Variants in FAM177A1 observed in about 807,000 individuals in gnomAD.
FAM177A1 encodes protein FAM177A1.
A neutral mutation model predicts 26.1 loss-of-function variants in FAM177A1; 22 were observed. That is an observed-to-expected ratio of 0.84 (90% confidence interval 0.60 to 1.20). The LOEUF is 1.20. FAM177A1 is among the 50% of genes most tolerant of loss of function. The pLI is 0.00. For synonymous variants in FAM177A1, 95 were observed against 99.3 expected (o/e 0.96, Z 0.26); for missense variants, 296 against 291.1 (o/e 1.02, Z -0.12).
chr14:35,068,780 G>A (rs539619054), intron 2 of FAM177A1, among the ~76,000 whole-genome samples: 2 of 152,348 alleles, frequency 1.3e-5, no homozygotes, highest in South Asian at 2.1e-4. Flanking sequence ...TTGGCTTACA[G>A]TTGTGGAGGC....
At position 35,078,957 on chromosome 14, in the gene FAM177A1, C is replaced by G; in HGVS notation, c.437C>G (p.Ser146Cys). 3 of 1,549,364 alleles carry G rather than the reference C, an allele frequency of 1.9e-6. No individual in the cohort carries two copies. Among genetic ancestry groups the G allele is most frequent in the Non-Finnish European group, 2.6e-6 (3 of 1,159,420 alleles). Residue 146 changes from serine (S) to cysteine (C), a missense_variant, in exon 4 of 5, where the codon TCT becomes TGT. Ser to Cys is a moderately radical substitution (Grantham distance 112, BLOSUM62 -1). Transcript: ENST00000280987. ...VCDFLGEKIA[S>C]VLGISTPKYQ... ...GACTTCCTTGGAGAGAAGATTGCATCTGTTTTGGGTATCAGCACCCCAAAG... is the reference window on the plus strand; with the variant it reads ...GACTTCCTTGGAGAGAAGATTGCATGTGTTTTGGGTATCAGCACCCCAAAG...
chr14:35,066,772 T>C (rs995174576), intron 2 of FAM177A1, among the ~76,000 whole-genome samples: 3 of 151,780 alleles, frequency 2.0e-5, no homozygotes, highest in Non-Finnish European at 4.4e-5. Flanking sequence ...TAATGGAATG[T>C]ATACATAATA....
upstream of FAM177A1, chr14:35,046,214 C>T (rs2044857179): frequency 2.9e-6 from 1 of 342,354 alleles, no homozygotes; most frequent in Non-Finnish European, 5.3e-6. Context: ...GAAGCGACGC[C>T]CCGCAAGGAC....
chr14:35,076,458 G>T (rs1275677026), intron 2 of FAM177A1, among the ~76,000 whole-genome samples: 1 of 152,040 alleles, frequency 6.6e-6, no homozygotes, highest in Admixed American at 6.6e-5. Context: ...GGGGGGAGCG[G>T]GGAGGGATAG....
chr14:35,068,408 T>C (rs2045270814), intron 2 of FAM177A1, among the ~76,000 whole-genome samples: 2 of 152,262 alleles, frequency 1.3e-5, no homozygotes, highest in South Asian at 4.1e-4. Flanking sequence ...GCATGCTGCA[T>C]TGTACTTTGG....
chr14:35,078,970 C>A lies in FAM177A1; in HGVS notation c.450C>A (p.Ile150=), dbSNP rs1385159688. Residue 150 remains isoleucine, a synonymous_variant, in exon 4 of 5, where the codon ATC becomes ATA. Coordinates refer to ENST00000280987, the MANE Select transcript of FAM177A1 (RefSeq NM_173607.5). ...AGAAGATTGCATCTGTTTTGGGTAT[C>A]AGCACCCCAAAGTACCAATATGCCA... ...LGEKIASVLG[I]STPKYQYAID... is the part of the protein sequence containing the mutation. The A allele has an allele frequency of 6.4e-7, 1 of 1,554,362 alleles. No homozygotes were observed. Among genetic ancestry groups the A allele is most frequent in the Non-Finnish European group, 8.6e-7 (1 of 1,161,570 alleles).
chr14:35,071,470 A>C (rs2045320601), intron 2 of FAM177A1, among the ~76,000 whole-genome samples: 1 of 152,292 alleles, frequency 6.6e-6, no homozygotes, highest in African/African-American at 2.4e-5. Flanking sequence ...GAAGTCTTGA[A>C]GACACAAGAT....
chr14:35,066,756 T>TA (rs947472649), intron 2 of FAM177A1, among the ~76,000 whole-genome samples: 7 of 151,940 alleles, frequency 4.6e-5, no homozygotes, highest in Non-Finnish European at 1.0e-4. Flanking sequence ...ATGCCATTGT[T>TA]ATAGTTAATG....
chr14:35,078,067 A>G (rs1157961442), intron 3 of FAM177A1, among the ~76,000 whole-genome samples: 1 of 152,174 alleles, frequency 6.6e-6, no homozygotes, highest in Non-Finnish European at 1.5e-5. Flanking sequence ...ATAGCTTTTT[A>G]TCACTTTCTG....
At chr14:35,064,394 A>G (rs2045207758) in intron 2 of FAM177A1, among the ~76,000 whole-genome samples, 1 of 152,142 alleles carries the variant, frequency 6.6e-6, no homozygotes, top group Admixed American at 6.6e-5. Context: ...CTCGAAAACA[A>G]ACAAACAAAA....
intron 4 of FAM177A1, 110 bp from the exon 5 acceptor site, chr14:35,080,912 C>CT (rs71435851): frequency 0.058 from 62,491 of 1,073,252 alleles, 69 homozygotes; most frequent in Non-Finnish European, 0.063. Flanking sequence ...GAACATGACA[C>CT]TTTTTTTTTT....
At chr14:35,072,207 G>A (rs920674851) in intron 2 of FAM177A1, among the ~76,000 whole-genome samples, 1 of 152,042 alleles carries the variant, frequency 6.6e-6, no homozygotes, top group Non-Finnish European at 1.5e-5. Flanking sequence ...CCTGGGAGGC[G>A]GAGGTTGCAG....
intron 2 of FAM177A1, among the ~76,000 whole-genome samples, chr14:35,063,763 C>T (rs2045196079): frequency 6.6e-6 from 1 of 150,986 alleles, no homozygotes; most frequent in Admixed American, 6.6e-5. Context: ...TTTTGGGCCA[C>T]ATTACATGGC....
At position 35,046,583 on chromosome 14, in the gene FAM177A1, C is replaced by T. The variant is rs1457429531; in HGVS notation, c.120C>T (p.Ala40=). The T allele has an allele frequency of 2.6e-6, 4 of 1,563,368 alleles. No homozygotes were observed. The highest frequency in any genetic ancestry group is 3.5e-6 in the Non-Finnish European group (4 of 1,156,746). ...GGVERGEAVA[A]SGAAAAAAFG... ...TGGAACGAGGAGAAGCCGTCGCAGC[C>T]TCGGGAGCTGCGGCCGCCGCGGCAT... is the stretch of plus-strand genomic sequence containing the variant. Residue 40 remains alanine, a synonymous_variant, in exon 1 of 5, where the codon GCC becomes GCT. Transcript: ENST00000280987.
chr14:35,049,771 C>T (rs539840649), intron 1 of FAM177A1, among the ~76,000 whole-genome samples: 35 of 152,086 alleles, frequency 2.3e-4, no homozygotes, highest in African/African-American at 8.4e-4. Flanking sequence ...GATGACAGAG[C>T]AAGACTCCTT....
At chr14:35,060,020 C>T (rs1414896914) in intron 2 of FAM177A1, among the ~76,000 whole-genome samples, 1 of 151,056 alleles carries the variant, frequency 6.6e-6, no homozygotes, top group Non-Finnish European at 1.5e-5. Context: ...GTCGCCCAGG[C>T]GGGAGTGCAG....
At chr14:35,077,867 C>G (rs2045422610) in intron 3 of FAM177A1, among the ~76,000 whole-genome samples, 1 of 152,202 alleles carries the variant, frequency 6.6e-6, no homozygotes, top group African/African-American at 2.4e-5. Flanking sequence ...ATCTGTCTCA[C>G]TGCTTATTCT....
In FAM177A1 at chr14:35,046,638, G is replaced by A. The variant is rs1288540345; in HGVS notation, c.165+10G>A. On this transcript the variant is annotated intron_variant, in intron 1 of 4. Transcript: ENST00000280987. ...GGAATCTGCAGGGCAGGTAGGTGGG[G>A]CCGCCGAGGCTGACGTCCGGGGAGC... is the stretch of plus-strand genomic sequence containing the variant. 6.6e-7 allele frequency: 1 copy of A among 1,526,102 alleles called. No individual in the cohort carries two copies. 94.5% of individuals were successfully genotyped at this position (1,526,102 alleles called of 1,614,324 possible). A position where few individuals can be genotyped will look rare whatever the true frequency, so the allele number is the denominator to read the frequency against.
At chr14:35,080,885 T>A (rs2045470512) in intron 4 of FAM177A1, 137 bp from the exon 5 acceptor site, 1 of 1,279,410 alleles carries the variant, frequency 7.8e-7, no homozygotes, top group African/African-American at 1.5e-5. Context: ...TATGTCTTAA[T>A]TAGACCAAAC....
Sources: allele counts gnomAD v4.1 joint callset (sites outside exome capture counted in the v4.1 genomes callset), GRCh38; gene constraint gnomAD v4.1.1; transcripts MANE v1.5; gene names NCBI Gene and HGNC (gene_info 2026-07-23, HGNC 2026-07-21).